The following JMJD8 variants were observed in gnomAD, a reference collection of about 807,000 sequenced individuals.
The protein encoded by JMJD8 is jmjC domain-containing protein 8.
JMJD8 carries 56 observed loss-of-function variants against 37.6 expected under a neutral mutation model. The ratio of observed to expected loss-of-function variants is 1.49; its 90% CI spans 1.20 to 1.86. The LOEUF is 1.86. JMJD8 is among the 40% of genes most tolerant of loss of function. The pLI, the probability that JMJD8 is intolerant of heterozygous loss-of-function variation, is 0.00. For missense variants in JMJD8, 542 were observed against 362.7 expected (o/e 1.49, Z -4.01); for synonymous variants, 261 against 163.7 (o/e 1.59, Z -4.54).
chr16:683,958 GC>G, intron 2 of JMJD8, 49 bp from the exon 3 acceptor site: 1 of 1,556,702 alleles, frequency 6.4e-7, no homozygotes. Flanking sequence ...CAGCCTCGCC[GC>G]CCCAGCCCCA....
chr16:683,980 C>T, intron 2 of JMJD8, 71 bp from the exon 3 acceptor site: 1 of 1,556,080 alleles, frequency 6.4e-7, no homozygotes, highest in Non-Finnish European at 8.6e-7. Context: ...CGCGTGCGCG[C>T]GAGGTCAGGG....
Position 683,859 on chromosome 16 carries a change from A to G in JMJD8, c.225+2T>C. On this transcript the variant is annotated splice_donor_variant, in intron 3 of 8. Transcript: ENST00000609261. LOFTEE classifies it high-confidence loss of function. ...GCCGGGGACGGACGGGCACGCGCTC[A>G]CCGAGTTGTCCGTGAGTCCCTGCAG... The G allele has an allele frequency of 6.3e-7, 1 of 1,585,186 alleles. No individual in the cohort carries two copies. The highest frequency in any genetic ancestry group is 8.6e-7 in the Non-Finnish European group (1 of 1,168,122).
At chr16:683,822 C>T (rs953882696) in intron 3 of JMJD8, 39 bp downstream of exon 3, 7 of 1,586,764 alleles carry the variant, frequency 4.4e-6, no homozygotes, top group African/African-American at 2.7e-5. Flanking sequence ...GGGCCCAGCA[C>T]GGGCGAGAGT....
Position 681,727 on chromosome 16 carries a change from T to C in JMJD8, c.*1067A>G, listed in dbSNP as rs1170582322. On this transcript the variant is annotated 3_prime_UTR_variant, in exon 9 of 9. Coordinates refer to ENST00000609261, the MANE Select transcript of JMJD8 (RefSeq NM_001005920.4). ...TGTGGGGAAGTGTGGATGTTAGCTC[T>C]GAGATTGGGGTGTGGTCAGACATCT... 1.6e-5 allele frequency: 25 copies of C among 1,550,980 alleles called. No individual in the cohort carries two copies. The highest frequency in any genetic ancestry group is 2.7e-5 in the African/African-American group (2 of 73,564).
intron 8 of JMJD8, 21 bp downstream of exon 8, chr16:682,932 C>T (rs2151508682): frequency 6.2e-7 from 1 of 1,611,512 alleles, no homozygotes; most frequent in African/African-American, 1.3e-5. Context: ...CTGGCCTGGC[C>T]CTCTCCTGCC....
Position 683,726 on chromosome 16 carries a change from A to C in JMJD8, c.281T>G (p.Val94Gly). 6.2e-7 allele frequency: 1 copy of C among 1,609,128 alleles called. No individual in the cohort carries two copies. The highest frequency in any genetic ancestry group is 8.5e-7 in the Non-Finnish European group (1 of 1,178,398). Reference sequence around the variant, plus strand: ...GGTGTTGGCGGTGCTCAGCCGGACCACTCTGTCCCCAAACGAAGCCAGCAA... The same window carrying C: ...GGTGTTGGCGGTGCTCAGCCGGACCCCTCTGTCCCCAAACGAAGCCAGCAA... ...DRLLASFGDR[V>G]VRLSTANTYS... The change falls in exon 4 of 9, where the codon GTG becomes GGG. Residue 94 changes from valine to glycine, a missense_variant. Coordinates refer to ENST00000609261, the MANE Select transcript of JMJD8 (RefSeq NM_001005920.4).
rs367694454 is a variant in JMJD8 at position 683,459 on chromosome 16, G to A, written c.392-18C>T. On this transcript the variant is annotated intron_variant, in intron 5 of 8. Coordinates refer to ENST00000609261, the MANE Select transcript of JMJD8 (RefSeq NM_001005920.4). ...CAGGGTGTCTGCCAACAGAGACGGCGGGGACAGGGATCCTGGCACCTGGAG... is the reference window on the plus strand; with the variant it reads ...CAGGGTGTCTGCCAACAGAGACGGCAGGGACAGGGATCCTGGCACCTGGAG... 10 of 1,550,236 alleles carry A rather than the reference G, an allele frequency of 6.5e-6. No individual in the cohort carries two copies. The highest frequency in any genetic ancestry group is 1.7e-4 in the Middle Eastern group (1 of 6,012).
chr16:684,151 G>A lies in JMJD8; in HGVS notation c.91C>T (p.Pro31Ser), dbSNP rs1302026869. Residue 31 changes from proline to serine, a missense_variant, in exon 2 of 9, where the codon CCG becomes TCG. By Grantham distance (74) the Pro-to-Ser change is moderately conservative. Coordinates refer to ENST00000609261, the MANE Select transcript of JMJD8 (RefSeq NM_001005920.4). ...TCCGCCACGGCCCCCGGCCCGCCCG[G>A]GCGCCTGCGGGCACAGCTGGGTCAG... ...SGAEGDGGWR[P>S]GGPGAVAEEE... 10 of 1,471,362 alleles carry A rather than the reference G, an allele frequency of 6.8e-6. No individual in the cohort carries two copies. Among genetic ancestry groups the A allele is most frequent in the African/African-American group, 3.0e-5 (2 of 67,656 alleles). The allele number at this position is 1,471,362 out of a possible 1,614,324, so 91.1% of individuals were successfully genotyped here. A position where few individuals can be genotyped will look rare whatever the true frequency, so the allele number is the denominator to read the frequency against.
rs923384744 is a variant in JMJD8, at chr16:683,900, G to A, written c.186C>T (p.Phe62=). Residue 62 remains phenylalanine (F), a synonymous_variant, in exon 3 of 9, where the codon TTC becomes TTT. Transcript: ENST00000609261. The part of the protein sequence containing the change: ...TYAEFVQQYA[F]VRPVILQGLT... ...GTCCCTGCAGGATGACGGGCCTGAC[G>A]AAGGCGTACCTGGAAAGAAGGGCAG... The A allele has an allele frequency of 3.3e-5, 52 of 1,580,638 alleles. No individual in the cohort carries two copies. The highest frequency in any genetic ancestry group is 4.1e-5 in the Non-Finnish European group (48 of 1,166,270).
chr16:683,601 G>C lies in JMJD8; in HGVS notation c.323-3C>G. 1 of 1,577,060 alleles carries C rather than the reference G, an allele frequency of 6.3e-7. No homozygotes were observed. Among genetic ancestry groups the C allele is most frequent in the Non-Finnish European group, 8.6e-7 (1 of 1,161,644 alleles). On this transcript the variant is annotated splice_polypyrimidine_tract_variant and splice_region_variant and intron_variant, in intron 4 of 8. Coordinates refer to ENST00000609261, the MANE Select transcript of JMJD8 (RefSeq NM_001005920.4). The stretch of plus-strand genomic sequence containing the variant: ...ATACTCCTGGAAGGGCAAGTCCACT[G>C]CAGGAAAGAGACGGGTCAGGACCGT...
chr16:682,247 C>T lies in JMJD8; in HGVS notation c.*547G>A. 1 of 1,612,552 alleles carries T rather than the reference C, an allele frequency of 6.2e-7. No individual in the cohort carries two copies. Among genetic ancestry groups the T allele is most frequent in the Non-Finnish European group, 8.5e-7 (1 of 1,179,840 alleles). On this transcript the variant is annotated 3_prime_UTR_variant, in exon 9 of 9. Coordinates refer to ENST00000609261, the MANE Select transcript of JMJD8 (RefSeq NM_001005920.4). ...CCGTGCATCACGCCCAGTGGCATCA[C>T]CTACGACCGCAAGGACATCGAGGAG...
Position 682,210 on chromosome 16 carries a change from C to G in JMJD8, c.*584G>C. 1 of 1,612,914 alleles carries G rather than the reference C, an allele frequency of 6.2e-7. No individual in the cohort carries two copies. The highest frequency in any genetic ancestry group is 8.5e-7 in the Non-Finnish European group (1 of 1,179,702). Reference sequence around the variant, plus strand: ...CCTGTGTGGCAAGATCAGCTTTGAGCTGATGCGGGAGCCGTGCATCACGCC... The same window carrying G: ...CCTGTGTGGCAAGATCAGCTTTGAGGTGATGCGGGAGCCGTGCATCACGCC... On this transcript the variant is annotated 3_prime_UTR_variant, in exon 9 of 9. Coordinates refer to ENST00000609261, the MANE Select transcript of JMJD8 (RefSeq NM_001005920.4).
chr16:683,244 T>C lies in JMJD8; in HGVS notation c.512-10A>G, dbSNP rs781427747. 24 of 1,612,882 alleles carry C rather than the reference T, an allele frequency of 1.5e-5. No individual in the cohort carries two copies. The highest frequency in any genetic ancestry group is 1.9e-5 in the Non-Finnish European group (23 of 1,179,830). ...ACCCCCGAGCCAGCTCCTGTGGGGT[T>C]ATGAGCACCTGGTGACCAACCCATT... On this transcript the variant is annotated splice_polypyrimidine_tract_variant and intron_variant, in intron 6 of 8. Coordinates refer to ENST00000609261, the MANE Select transcript of JMJD8 (RefSeq NM_001005920.4).
At position 682,137 on chromosome 16, in the gene JMJD8, C is replaced by T. The variant is rs2039688932; in HGVS notation, c.*657G>A. 1 of 1,593,242 alleles carries T rather than the reference C, an allele frequency of 6.3e-7. No homozygotes were observed. On this transcript the variant is annotated 3_prime_UTR_variant, in exon 9 of 9. Coordinates refer to ENST00000609261, the MANE Select transcript of JMJD8 (RefSeq NM_001005920.4). The stretch of plus-strand genomic sequence containing the variant: ...GTGCTCGTGCAGTGCCCCTTTTCAG[C>T]CTCTGACCGTGTGCCCCTGTGCCAC...
Position 682,829 on chromosome 16 carries a change from C to G in JMJD8, c.760G>C (p.Asp254His). Residue 254 changes from aspartate to histidine, a missense_variant, in exon 9 of 9, where the codon GAC (aspartate) becomes CAC (histidine). Coordinates refer to ENST00000609261, the MANE Select transcript of JMJD8 (RefSeq NM_001005920.4). ...AAGGTGGAGATGAAGACGCTGGTGTCAAGGTTGAGCGTAGCATGCCACCAG... is the reference window on the plus strand; with the variant it reads ...AAGGTGGAGATGAAGACGCTGGTGTGAAGGTTGAGCGTAGCATGCCACCAG... ...DRWWHATLNLDTSVFISTFLG is the reference protein window; with the variant it reads ...DRWWHATLNLHTSVFISTFLG 1.2e-6 allele frequency: 2 copies of G among 1,612,992 alleles called. No individual in the cohort carries two copies. Among genetic ancestry groups the G allele is most frequent in the Non-Finnish European group, 8.5e-7 (1 of 1,179,876 alleles).
Position 683,727 on chromosome 16 carries a change from C to T in JMJD8, c.280G>A (p.Val94Met). ...DRLLASFGDRVVRLSTANTYS... is the reference protein window; with the variant it reads ...DRLLASFGDRMVRLSTANTYS... ...GTGTTGGCGGTGCTCAGCCGGACCA[C>T]TCTGTCCCCAAACGAAGCCAGCAAC... is the stretch of plus-strand genomic sequence containing the variant. Residue 94 changes from valine (V) to methionine (M), a missense_variant, in exon 4 of 9, where the codon GTG becomes ATG. Val to Met is a conservative substitution (Grantham distance 21, BLOSUM62 1). Coordinates refer to ENST00000609261, the MANE Select transcript of JMJD8 (RefSeq NM_001005920.4). 6.2e-7 allele frequency: 1 copy of T among 1,609,550 alleles called. No individual in the cohort carries two copies. The highest frequency in any genetic ancestry group is 8.5e-7 in the Non-Finnish European group (1 of 1,178,554).
Position 682,588 on chromosome 16 carries a change from C to G in JMJD8, c.*206G>C. 6.5e-7 allele frequency: 1 copy of G among 1,535,068 alleles called. No homozygotes were observed. The highest frequency in any genetic ancestry group is 1.2e-5 in the South Asian group (1 of 83,910). On this transcript the variant is annotated 3_prime_UTR_variant, in exon 9 of 9. Transcript: ENST00000609261. ...ATGTTCCTGGCCACCCCGACCGCTT[C>G]CCCCAAGTTCTGCTGTTGGACTCTG... is the stretch of plus-strand genomic sequence containing the variant.
Position 681,733 on chromosome 16 carries a change from T to TG in JMJD8, c.*1060dup, listed in dbSNP as rs1488138606. The TG allele has an allele frequency of 6.4e-6, 10 of 1,552,874 alleles. No homozygotes were observed. The highest frequency in any genetic ancestry group is 8.7e-6 in the Non-Finnish European group (10 of 1,143,360). ...GAAGTGTGGATGTTAGCTCTGAGATTGGGGTGTGGTCAGACATCTGGCCAG... is the reference window on the plus strand; with the variant it reads ...GAAGTGTGGATGTTAGCTCTGAGATTGGGGGTGTGGTCAGACATCTGGCCAG... On this transcript the variant is annotated 3_prime_UTR_variant, in exon 9 of 9. Transcript: ENST00000609261.
At position 682,256 on chromosome 16, in the gene JMJD8, G is replaced by A. The variant is rs1567282437; in HGVS notation, c.*538C>T. The A allele has an allele frequency of 6.2e-7, 1 of 1,611,328 alleles. No homozygotes were observed. On this transcript the variant is annotated 3_prime_UTR_variant, in exon 9 of 9. Coordinates refer to ENST00000609261, the MANE Select transcript of JMJD8 (RefSeq NM_001005920.4). ...ACGCCCAGTGGCATCACCTACGACC[G>A]CAAGGACATCGAGGAGCACCTGCAG...
Sources: allele counts gnomAD v4.1 joint callset, GRCh38; gene constraint gnomAD v4.1.1; transcripts MANE v1.5; gene names NCBI Gene and HGNC (gene_info 2026-07-23, HGNC 2026-07-21).